Variants in SVEP1 observed in about 807,000 individuals in gnomAD.
SVEP1 encodes the protein sushi, von Willebrand factor type A, EGF and pentraxin domain containing 1.
SVEP1 carries 164 observed loss-of-function variants against 367.3 expected under a neutral mutation model. That is an observed-to-expected ratio of 0.45 (90% CI 0.39 to 0.51). SVEP1 has a LOEUF of 0.51. SVEP1 is among the 20% of genes least tolerant of loss of function. SVEP1 has a pLI of 0.00. For missense variants in SVEP1, 4,117 were observed against 4,425.3 expected (o/e 0.93, Z 1.98); for synonymous variants, 1,666 against 1,611.6 (o/e 1.03, Z -0.81).
chr9:110,562,685 T>TTTA (rs954627337), intron 1 of SVEP1, among the ~76,000 whole-genome samples: 5 of 152,072 alleles, frequency 3.3e-5, no homozygotes, highest in African/African-American at 9.7e-5. Context: ...TCATCACTTT[T>TTTA]TTATTATTAT....
At chr9:110,556,480 T>A (rs1241132587) in intron 1 of SVEP1, among the ~76,000 whole-genome samples, 3 of 152,026 alleles carry the variant, frequency 2.0e-5, no homozygotes, top group Admixed American at 6.6e-5. Flanking sequence ...GCTAATAAAG[T>A]CTTTTTTTGT....
At position 110,451,305 on chromosome 9, in the gene SVEP1, A is replaced by G; in HGVS notation, c.3885T>C (p.Cys1295=). Residue 1295 remains cysteine (C), a synonymous_variant, in exon 23 of 48, where the codon TGT becomes TGC. Transcript: ENST00000374469. ...VDGVAGYRCT[C]VKGFVGLHCE... ...ACATCTTACCTACAAATCCTTTCAC[A>G]CATGTGCAACGATAGCCAGCCACAC... The G allele has an allele frequency of 1.2e-6, 2 of 1,613,670 alleles. No individual in the cohort carries two copies. Among genetic ancestry groups the G allele is most frequent in the Non-Finnish European group, 1.7e-6 (2 of 1,179,680 alleles).
At chr9:110,436,230 C>T in intron 28 of SVEP1, 150 bp downstream of exon 28, 1 of 969,500 alleles carries the variant, frequency 1.0e-6, no homozygotes, top group Non-Finnish European at 1.4e-6. Context: ...TGCCTAACTT[C>T]ATCTATAACC....
chr9:110,449,693 A>G (rs1284833410), intron 24 of SVEP1, among the ~76,000 whole-genome samples: 1 of 152,222 alleles, frequency 6.6e-6, no homozygotes, highest in African/African-American at 2.4e-5. Context: ...CAGAAAATAA[A>G]AAAATAAAAA....
intron 18 of SVEP1, among the ~76,000 whole-genome samples, 174 bp from the exon 19 acceptor site, chr9:110,459,287 T>A (rs971801460): frequency 6.6e-6 from 1 of 152,218 alleles, no homozygotes; most frequent in Non-Finnish European, 1.5e-5. Flanking sequence ...TGGGTCTCCT[T>A]CCTATCTTTA....
At chr9:110,384,618 A>T (rs1370899193) in intron 43 of SVEP1, among the ~76,000 whole-genome samples, 1 of 150,544 alleles carries the variant, frequency 6.6e-6, no homozygotes, top group African/African-American at 2.4e-5. Flanking sequence ...AATCTATAAG[A>T]AATCTATAAT....
intron 1 of SVEP1, among the ~76,000 whole-genome samples, chr9:110,555,382 T>C (rs16915123): frequency 0.12 from 18,629 of 152,182 alleles, 1,420 homozygotes; most frequent in East Asian, 0.33. Context: ...AATGAGTTGG[T>C]CTTGAGTGAG....
At chr9:110,406,100 T>A in intron 38 of SVEP1, 60 bp downstream of exon 38, 1 of 1,497,336 alleles carries the variant, frequency 6.7e-7, no homozygotes. Flanking sequence ...TTTTGATCGA[T>A]CACATTTCAT....
chr9:110,370,421 A>G (rs1361916034), intron 46 of SVEP1, among the ~76,000 whole-genome samples: 1 of 152,116 alleles, frequency 6.6e-6, no homozygotes, highest in African/African-American at 2.4e-5. Context: ...GAAGCTCAAG[A>G]TTGTAAATTC....
chr9:110,573,581 A>G (rs1340217619), intron 1 of SVEP1, among the ~76,000 whole-genome samples: 1 of 151,768 alleles, frequency 6.6e-6, no homozygotes, highest in Non-Finnish European at 1.5e-5. Context: ...TTTTTTTTCA[A>G]AGGAAGCTTC....
chr9:110,482,321 A>G, intron 11 of SVEP1, 40 bp downstream of exon 11: 1 of 1,596,838 alleles, frequency 6.3e-7, no homozygotes, highest in South Asian at 1.1e-5. Context: ...GACATGTGTC[A>G]AATGTCAACT....
chr9:110,447,130 G>A lies in SVEP1; in HGVS notation c.4104-73C>T, dbSNP rs113524086. 1.4e-3 allele frequency: 1,769 copies of A among 1,256,068 alleles called. 5 individuals are homozygous for A. Among genetic ancestry groups the A allele is most frequent in the African/African-American group, 0.012 (807 of 64,646 alleles). The allele number at this position is 1,256,068 out of a possible 1,614,324, so 77.8% of individuals were successfully genotyped here. A position where few individuals can be genotyped will look rare whatever the true frequency, so the allele number is the denominator to read the frequency against. On this transcript the variant is annotated intron_variant, in intron 24 of 47. Coordinates refer to ENST00000374469, the MANE Select transcript of SVEP1 (RefSeq NM_153366.4). ...CTCCCATTTATGATAATCTTATCTC[G>A]AAAGACTTTGAAAATTGAAATGCTG... is the stretch of plus-strand genomic sequence containing the variant.
chr9:110,487,935 C>T (rs1829308378), intron 9 of SVEP1, among the ~76,000 whole-genome samples: 1 of 152,178 alleles, frequency 6.6e-6, no homozygotes, highest in Non-Finnish European at 1.5e-5. Context: ...CTACAGATTG[C>T]TATGTAGCCT....
chr9:110,488,012 G>T (rs1829309542), intron 9 of SVEP1, among the ~76,000 whole-genome samples: 1 of 152,158 alleles, frequency 6.6e-6, no homozygotes. Context: ...GGTAAACCAG[G>T]CTCAAAAGAT....
intron 37 of SVEP1, among the ~76,000 whole-genome samples, chr9:110,410,133 C>T (rs1307841339): frequency 1.3e-5 from 2 of 152,110 alleles, no homozygotes; most frequent in African/African-American, 4.8e-5. Flanking sequence ...AAGCAAAAGC[C>T]TTAAATAAAA....
chr9:110,483,797 T>C, intron 9 of SVEP1, 104 bp from the exon 10 acceptor site: 1 of 739,484 alleles, frequency 1.4e-6, no homozygotes, highest in Non-Finnish European at 2.0e-6. Context: ...CAGACAGCCT[T>C]GAGCTTGCAA....
chr9:110,456,709 T>C (rs1448108836), intron 21 of SVEP1, among the ~76,000 whole-genome samples: 1 of 152,196 alleles, frequency 6.6e-6, no homozygotes, highest in East Asian at 1.9e-4. Context: ...CCCTCAAAAA[T>C]TATGTTTCTG....
rs1412184081 is a variant in SVEP1 at position 110,412,918 on chromosome 9, T to C, written c.5976-1183A>G. On this transcript the variant is annotated intron_variant, in intron 36 of 47. Coordinates refer to ENST00000374469, the MANE Select transcript of SVEP1 (RefSeq NM_153366.4). ...AGGTGCTGGAGAGGATGTGGAGAAATAGGAACACTTTTACACTGTTGGTGG... is the reference window on the plus strand; with the variant it reads ...AGGTGCTGGAGAGGATGTGGAGAAACAGGAACACTTTTACACTGTTGGTGG... 6.1e-3 allele frequency among the ~76,000 whole-genome samples: 926 copies of C among 151,104 alleles called. 3 individuals are homozygous for C. The highest frequency in any genetic ancestry group is 0.021 in the African/African-American group (861 of 41,248).
intron 18 of SVEP1, among the ~76,000 whole-genome samples, chr9:110,462,222 T>TA (rs768974738): frequency 6.6e-6 from 1 of 151,928 alleles, no homozygotes; most frequent in Non-Finnish European, 1.5e-5. Context: ...TAACAGAAGG[T>TA]AAAAAATTGT....
Sources: gnomAD v4.1 joint callset for allele counts (sites outside exome capture counted in the v4.1 genomes callset) on GRCh38, gnomAD v4.1.1 for gene constraint, MANE v1.5 for transcripts, NCBI Gene and HGNC (gene_info 2026-07-23, HGNC 2026-07-21) for gene names.